The following CYB5R1 variants were observed in gnomAD, a reference collection of about 807,000 sequenced individuals.
CYB5R1 encodes the protein cytochrome b5 reductase 1.
In CYB5R1, 32 loss-of-function variants were observed where a neutral mutation model predicts 37.4. The ratio of observed to expected loss-of-function variants is 0.86; its 90% CI spans 0.65 to 1.15. The LOEUF is 1.15. Ranked by LOEUF, CYB5R1 falls within the 50% of genes most tolerant of loss-of-function variation. The probability of loss-of-function intolerance (pLI) is 0.00; values close to 1 mark genes in which losing one functional copy is unlikely to be tolerated. For missense variants in CYB5R1, 345 were observed against 382.5 expected (o/e 0.90, Z 0.82); for synonymous variants, 159 against 155.2 (o/e 1.02, Z -0.18).
At chr1:202,966,102 C>T in intron 3 of CYB5R1, 109 bp from the exon 4 acceptor site, 1 of 767,658 alleles carries the variant, frequency 1.3e-6, no homozygotes, top group Non-Finnish European at 2.2e-6. Flanking sequence ...TGCTGTGGTC[C>T]CAAGGAGCTA....
chr1:202,966,820 T>A lies in CYB5R1; in HGVS notation c.94A>T (p.Arg32Trp). Residue 32 changes from arginine to tryptophan, a missense_variant, in exon 2 of 9, where the codon AGG becomes TGG. Physicochemically the swap from Arg to Trp is moderately radical, Grantham distance 101. Coordinates refer to ENST00000367249, the MANE Select transcript of CYB5R1 (RefSeq NM_016243.3). The stretch of plus-strand genomic sequence containing the variant: ...AGAGTGACCTGAGGCCGGCGGGACC[T>A]CCGAACCAAGTAGGAGCCCACAGCC... Reference protein sequence around the residue: ...GLAVGSYLVRRSRRPQVTLLD... With the variant: ...GLAVGSYLVRWSRRPQVTLLD... 1 of 1,614,058 alleles carries A rather than the reference T, an allele frequency of 6.2e-7. No individual in the cohort carries two copies. The highest frequency in any genetic ancestry group is 8.5e-7 in the Non-Finnish European group (1 of 1,179,970).
At chr1:202,967,145 G>T in intron 1 of CYB5R1, 46 bp downstream of exon 1, 1 of 1,602,240 alleles carries the variant, frequency 6.2e-7, no homozygotes, top group Non-Finnish European at 8.5e-7. Flanking sequence ...GCCAGAACCA[G>T]ATGGGGAGGG....
chr1:202,965,037 C>A (rs928451119), intron 5 of CYB5R1: 2 of 427,406 alleles, frequency 4.7e-6, no homozygotes, highest in Non-Finnish European at 8.5e-6. Flanking sequence ...ATGCACCCAG[C>A]TGTTCCCATG....
In CYB5R1 at chr1:202,963,141, C is replaced by T; in HGVS notation, c.670G>A (p.Glu224Lys). 6.2e-7 allele frequency: 1 copy of T among 1,614,070 alleles called. No homozygotes were observed. The highest frequency in any genetic ancestry group is 8.5e-7 in the Non-Finnish European group (1 of 1,179,942). Residue 224 changes from glutamate to lysine, a missense_variant, in exon 8 of 9, where the codon GAG becomes AAG. Coordinates refer to ENST00000367249, the MANE Select transcript of CYB5R1 (RefSeq NM_016243.3). ...CGGGCCTGCAGTTCCTCTAAGTCCT[C>T]CCGCAAGATGATATCCTTTTCTGTC... ...NQTEKDIILR[E>K]DLEELQARYP...
At chr1:202,964,495 G>T in intron 6 of CYB5R1, 117 bp downstream of exon 6, 1 of 874,986 alleles carries the variant, frequency 1.1e-6, no homozygotes, top group South Asian at 1.4e-5. Context: ...AGCATTGCTG[G>T]AAATCCCCTG....
At chr1:202,966,154 C>A (rs1026581020) in intron 3 of CYB5R1, 161 bp from the exon 4 acceptor site, 5 of 616,130 alleles carry the variant, frequency 8.1e-6, no homozygotes, top group Admixed American at 2.9e-5. Flanking sequence ...TCAGTTGGAT[C>A]TCTTATAAGC....
chr1:202,966,473 G>T, intron 3 of CYB5R1, 55 bp downstream of exon 3: 1 of 1,579,630 alleles, frequency 6.3e-7, no homozygotes, highest in South Asian at 1.1e-5. Context: ...ATCCCAGGAG[G>T]GGAGTCACCT....
rs148221696 is a variant in CYB5R1, at chr1:202,963,144, G to C, written c.667C>G (p.Arg223Gly). 6.2e-7 allele frequency: 1 copy of C among 1,613,734 alleles called. No homozygotes were observed. The highest frequency in any genetic ancestry group is 1.1e-5 in the South Asian group (1 of 91,080). Residue 223 changes from arginine to glycine, a missense_variant, in exon 8 of 9, where the codon CGG becomes GGG. By Grantham distance (125) the Arg-to-Gly change is moderately radical. Coordinates refer to ENST00000367249, the MANE Select transcript of CYB5R1 (RefSeq NM_016243.3). Reference sequence around the variant, plus strand: ...GCCTGCAGTTCCTCTAAGTCCTCCCGCAAGATGATATCCTTTTCTGTCTGA... The same window carrying C: ...GCCTGCAGTTCCTCTAAGTCCTCCCCCAAGATGATATCCTTTTCTGTCTGA... ...ANQTEKDIILREDLEELQARY... is the reference protein window; with the variant it reads ...ANQTEKDIILGEDLEELQARY...
Position 202,966,610 on chromosome 1 carries a change from G to A in CYB5R1, c.166-10C>T, listed in dbSNP as rs763213893. ...TGTTGTGGCTCACAGTCTGGAGGGT[G>A]GAGGACACAAGTGTTTCACCAAGCG... On this transcript the variant is annotated splice_polypyrimidine_tract_variant and intron_variant, in intron 2 of 8. Transcript: ENST00000367249. 2 of 1,614,172 alleles carry A rather than the reference G, an allele frequency of 1.2e-6. No individual in the cohort carries two copies. Among genetic ancestry groups the A allele is most frequent in the South Asian group, 1.1e-5 (1 of 91,076 alleles).
rs747720729 is a variant in CYB5R1 at position 202,966,758 on chromosome 1, T to A, written c.156A>T (p.Leu52=). 10 of 1,614,052 alleles carry A rather than the reference T, an allele frequency of 6.2e-6. No homozygotes were observed. The highest frequency in any genetic ancestry group is 8.5e-6 in the Non-Finnish European group (10 of 1,179,944). The change falls in exon 2 of 9, where the codon CTA becomes CTT. Residue 52 remains leucine, a synonymous_variant. Coordinates refer to ENST00000367249, the MANE Select transcript of CYB5R1 (RefSeq NM_016243.3). ...TTCTTCCCCAACTTACCGTCTTGTC[T>A]AGCAGTCGTAGCAGGTACTTTTCAT... ...DPNEKYLLRL[L]DKTTVSHNTK...
At position 202,965,871 on chromosome 1, in the gene CYB5R1, C is replaced by T; in HGVS notation, c.345+16G>A. On this transcript the variant is annotated intron_variant, in intron 4 of 8. Transcript: ENST00000367249. ...GAATGGGTAAGCAGCCCCTGGGTCC[C>T]TTCCTAGCCCCTTACCTTGATGACA... 2 of 1,570,984 alleles carry T rather than the reference C, an allele frequency of 1.3e-6. No individual in the cohort carries two copies. Among genetic ancestry groups the T allele is most frequent in the South Asian group, 2.2e-5 (2 of 89,892 alleles).
intron 6 of CYB5R1, chr1:202,964,410 C>T (rs1571577087): frequency 1.7e-6 from 1 of 584,482 alleles, no homozygotes; most frequent in Non-Finnish European, 3.0e-6. Context: ...ATTTGTTTCT[C>T]TAATTCCATC....
chr1:202,962,456 T>G lies in CYB5R1; in HGVS notation c.*71A>C, dbSNP rs563292426. On this transcript the variant is annotated 3_prime_UTR_variant, in exon 9 of 9. Transcript: ENST00000367249. ...ACCTGAAACTCTGAGGAAAGGAATCTAAGGCTTATAGTGCTTGAGTACTGA... is the reference window on the plus strand; with the variant it reads ...ACCTGAAACTCTGAGGAAAGGAATCGAAGGCTTATAGTGCTTGAGTACTGA... 3 of 1,501,566 alleles carry G rather than the reference T, an allele frequency of 2.0e-6. No individual in the cohort carries two copies. In the South Asian group the frequency reaches 4.1e-5, roughly 20 times the overall value. The allele number at this position is 1,501,566 out of a possible 1,614,324, so 93.0% of individuals were successfully genotyped here. A position where few individuals can be genotyped will look rare whatever the true frequency, so the allele number is the denominator to read the frequency against.
At chr1:202,966,014 T>A (rs780698953) in intron 3 of CYB5R1, 21 bp from the exon 4 acceptor site, 1 of 1,493,520 alleles carries the variant, frequency 6.7e-7, no homozygotes, top group Non-Finnish European at 9.3e-7. Context: ...TGCAGAGAGC[T>A]ACATAAGGGT....
In CYB5R1 at chr1:202,962,495, C is replaced by G; in HGVS notation, c.*32G>C. ...CTTGAGTACTGATGGGGAACAACTG[C>G]AGCGAACAGCACCAGGGAAGCTGGA... is the stretch of plus-strand genomic sequence containing the variant. On this transcript the variant is annotated 3_prime_UTR_variant, in exon 9 of 9. Transcript: ENST00000367249. 6.4e-7 allele frequency: 1 copy of G among 1,570,144 alleles called. No homozygotes were observed. Among genetic ancestry groups the G allele is most frequent in the East Asian group, 2.2e-5 (1 of 44,472 alleles).
chr1:202,962,443 G>A lies in CYB5R1; in HGVS notation c.*84C>T. On this transcript the variant is annotated 3_prime_UTR_variant, in exon 9 of 9. Coordinates refer to ENST00000367249, the MANE Select transcript of CYB5R1 (RefSeq NM_016243.3). ...TGTAACTGAAAAAACCTGAAACTCT[G>A]AGGAAAGGAATCTAAGGCTTATAGT... 2 of 1,474,704 alleles carry A rather than the reference G, an allele frequency of 1.4e-6. No individual in the cohort carries two copies. Among genetic ancestry groups the A allele is most frequent in the Non-Finnish European group, 1.8e-6 (2 of 1,099,718 alleles). The allele number at this position is 1,474,704 out of a possible 1,614,324, so 91.4% of individuals were successfully genotyped here.
intron 6 of CYB5R1, chr1:202,964,314 T>G: frequency 2.3e-6 from 1 of 444,000 alleles, no homozygotes. Context: ...CTAATTTTCT[T>G]TCTTCCTAGC....
Position 202,966,740 on chromosome 1 carries a change from C to G in CYB5R1, c.165+9G>C. 2 of 1,613,662 alleles carry G rather than the reference C, an allele frequency of 1.2e-6. No individual in the cohort carries two copies. The highest frequency in any genetic ancestry group is 1.1e-5 in the South Asian group (1 of 91,036). On this transcript the variant is annotated intron_variant, in intron 2 of 8. Transcript: ENST00000367249. Reference sequence around the variant, plus strand: ...CTCCTTCACCCTGGCCCTTTCTTCCCCAACTTACCGTCTTGTCTAGCAGTC... The same window carrying G: ...CTCCTTCACCCTGGCCCTTTCTTCCGCAACTTACCGTCTTGTCTAGCAGTC...
intron 5 of CYB5R1, 31 bp from the exon 6 acceptor site, chr1:202,964,726 G>C (rs759809301): frequency 6.7e-7 from 1 of 1,501,706 alleles, no homozygotes; most frequent in Admixed American, 1.7e-5. Context: ...AGCAGTGGAA[G>C]AATAAAGTCA....
Sources: allele counts gnomAD v4.1 joint callset, GRCh38; gene constraint gnomAD v4.1.1; transcripts MANE v1.5; gene names NCBI Gene and HGNC (gene_info 2026-07-23, HGNC 2026-07-21).